ADAMTS19: variants seen among roughly 807,000 people sequenced by gnomAD.
ADAMTS19 encodes the protein A disintegrin and metalloproteinase with thrombospondin motifs 19.
ADAMTS19 carries 93 observed loss-of-function variants against 153.3 expected under a neutral mutation model. The ratio of observed to expected loss-of-function variants is 0.61; its 90% CI spans 0.51 to 0.72. ADAMTS19 has a LOEUF of 0.72. Among genes scored for constraint, ADAMTS19 ranks in the 30% least tolerant of loss-of-function variants. The probability of loss-of-function intolerance (pLI) is 0.00; values close to 1 mark genes in which losing one functional copy is unlikely to be tolerated. For synonymous variants in ADAMTS19, 600 were observed against 556.6 expected (o/e 1.08, Z -1.10); for missense variants, 1,482 against 1,552.1 (o/e 0.95, Z 0.76).
intron 8 of ADAMTS19, among the ~76,000 whole-genome samples, chr5:129,609,194 A>C (rs75127703): frequency 0.024 from 3,647 of 152,288 alleles, 120 homozygotes; most frequent in African/African-American, 0.079. Context: ...TTGAGAGGGA[A>C]AGTGCATTAT....
At chr5:129,692,590 A>T (rs1464533904) in intron 18 of ADAMTS19, among the ~76,000 whole-genome samples, 1 of 152,190 alleles carries the variant, frequency 6.6e-6, no homozygotes, top group Non-Finnish European at 1.5e-5. Flanking sequence ...AGGACCTCAG[A>T]GGGTGTAGTT....
At chr5:129,531,504 A>G (rs1385338772) in intron 6 of ADAMTS19, among the ~76,000 whole-genome samples, 1 of 152,116 alleles carries the variant, frequency 6.6e-6, no homozygotes, top group Non-Finnish European at 1.5e-5. Context: ...GCATGCCTGT[A>G]GTCCCAGCTA....
chr5:129,702,941 A>AAAAATATATATATATATATATATATATAT, intron 20 of ADAMTS19, among the ~76,000 whole-genome samples: 3 of 29,300 alleles, frequency 1.0e-4, no homozygotes, highest in Admixed American at 4.6e-4. Context: ...AAAAAAAAAA[A>AAAAATATATATATATATATATATATATAT]ATATATATAT....
At chr5:129,722,166 G>A (rs576755426) in intron 21 of ADAMTS19, among the ~76,000 whole-genome samples, 16 of 152,240 alleles carry the variant, frequency 1.1e-4, no homozygotes, top group Non-Finnish European at 1.8e-4. Flanking sequence ...AGATCCTTGA[G>A]GAATCACCAC....
chr5:129,726,855 A>G (rs1230356663), intron 21 of ADAMTS19, among the ~76,000 whole-genome samples: 1 of 152,138 alleles, frequency 6.6e-6, no homozygotes, highest in Middle Eastern at 3.4e-3. Context: ...AATTTTTTCC[A>G]TAGTACCTGT....
chr5:129,729,957 G>T (rs1757367029), intron 21 of ADAMTS19, among the ~76,000 whole-genome samples: 1 of 151,898 alleles, frequency 6.6e-6, no homozygotes, highest in Admixed American at 6.6e-5. Flanking sequence ...ATCTTTCTAA[G>T]CCTTCTGTTA....
intron 2 of ADAMTS19, among the ~76,000 whole-genome samples, chr5:129,475,028 C>T (rs1580985659): frequency 1.3e-5 from 2 of 151,436 alleles, no homozygotes; most frequent in East Asian, 3.9e-4. Context: ...TTCTTCCAGT[C>T]TCTCGCTATC....
chr5:129,541,769 A>C (rs1752661759), intron 6 of ADAMTS19, among the ~76,000 whole-genome samples: 1 of 152,016 alleles, frequency 6.6e-6, no homozygotes, highest in Non-Finnish European at 1.5e-5. Context: ...GTATCCCACA[A>C]TATTCAGTTG....
intron 3 of ADAMTS19, among the ~76,000 whole-genome samples, chr5:129,522,314 T>TACACAC (rs1455704023): frequency 2.1e-5 from 2 of 94,488 alleles, no homozygotes; most frequent in Admixed American, 1.2e-4. Flanking sequence ...TATATATATA[T>TACACAC]ATACACACAC....
intron 6 of ADAMTS19, among the ~76,000 whole-genome samples, chr5:129,549,864 CCGTATA>C (rs199811901): frequency 1.3e-4 from 10 of 77,178 alleles, no homozygotes; most frequent in African/African-American, 8.4e-4. Flanking sequence ...ATACATGTAT[CCGTATA>C]TGTATATATG....
intron 6 of ADAMTS19, among the ~76,000 whole-genome samples, chr5:129,529,813 G>A (rs1752135750): frequency 6.6e-6 from 1 of 152,018 alleles, no homozygotes; most frequent in African/African-American, 2.4e-5. Flanking sequence ...AACAGATAGA[G>A]GAAACTGCCC....
At chr5:129,665,351 G>C (rs1753997299) in intron 15 of ADAMTS19, 148 bp from the exon 16 acceptor site, 2 of 509,980 alleles carry the variant, frequency 3.9e-6, no homozygotes, top group African/African-American at 3.9e-5. Context: ...AATCATGACA[G>C]CTTTTATATA....
At chr5:129,732,412 T>C (rs1363657406) in intron 21 of ADAMTS19, among the ~76,000 whole-genome samples, 4 of 152,114 alleles carry the variant, frequency 2.6e-5, no homozygotes, top group Non-Finnish European at 4.4e-5. Context: ...TAAGTTTGTA[T>C]ACCTAGAAAA....
intron 19 of ADAMTS19, among the ~76,000 whole-genome samples, chr5:129,697,782 A>G (rs1254503529): frequency 6.6e-6 from 1 of 152,268 alleles, no homozygotes; most frequent in Non-Finnish European, 1.5e-5. Context: ...TGTTCCTCAG[A>G]ATTCTCTTTT....
intron 16 of ADAMTS19, among the ~76,000 whole-genome samples, chr5:129,676,725 T>C (rs1754568127): frequency 6.6e-6 from 1 of 152,234 alleles, no homozygotes; most frequent in Non-Finnish European, 1.5e-5. Flanking sequence ...TAAAAGCACA[T>C]TTTTTAAATT....
intron 6 of ADAMTS19, among the ~76,000 whole-genome samples, chr5:129,549,988 G>GTATA (rs1247296984): frequency 7.9e-6 from 1 of 125,814 alleles, no homozygotes; most frequent in Non-Finnish European, 1.7e-5. Context: ...ACATGTATCT[G>GTATA]TATATGTATC....
At chr5:129,718,506 T>C (rs78704429) in intron 21 of ADAMTS19, among the ~76,000 whole-genome samples, 2,009 of 152,240 alleles carry the variant, frequency 0.013, 34 homozygotes, top group African/African-American at 0.043. Context: ...CCAAAATGAA[T>C]AGCAAATCTT....
intron 15 of ADAMTS19, among the ~76,000 whole-genome samples, chr5:129,665,208 GT>G (rs34474416): frequency 0.18 from 25,672 of 146,016 alleles, 2,523 homozygotes; most frequent in East Asian, 0.33. Context: ...GTTCCACTGG[GT>G]TTTTTTTTTT....
At chr5:129,589,022 A>G (rs894523138) in intron 7 of ADAMTS19, among the ~76,000 whole-genome samples, 5 of 151,812 alleles carry the variant, frequency 3.3e-5, no homozygotes, top group East Asian at 1.9e-4. Context: ...ATCAGTACTC[A>G]TTTTAAAAAG....
Sources: gnomAD v4.1 joint callset for allele counts (sites outside exome capture counted in the v4.1 genomes callset) on GRCh38, gnomAD v4.1.1 for gene constraint, MANE v1.5 for transcripts, NCBI Gene and HGNC (gene_info 2026-07-23, HGNC 2026-07-21) for gene names.